C2orf68: variants seen among roughly 807,000 people sequenced by gnomAD.
C2orf68 encodes chromosome 2 open reading frame 68, also known as UPF0561 protein C2orf68.
In C2orf68, 15 loss-of-function variants were observed where a neutral mutation model predicts 19.1. The observed-to-expected ratio is 0.79, with a 90% CI of 0.53 to 1.21. C2orf68 has a LOEUF of 1.21. C2orf68 is among the 50% of genes most tolerant of loss of function. C2orf68 has a pLI of 0.00. For synonymous variants in C2orf68, 98 were observed against 91.0 expected (o/e 1.08, Z -0.44); for missense variants, 242 against 226.6 (o/e 1.07, Z -0.44).
Position 85,609,465 on chromosome 2 carries a change from A to G in C2orf68, c.348T>C (p.Ser116=), listed in dbSNP as rs1208499177. Residue 116 remains serine, a synonymous_variant, in exon 3 of 4, where the codon AGT becomes AGC. Transcript: ENST00000306336. ...QLFCLEYEAD[S]GEVTSVIVYQ... ...AGACGATAACTGATGTGACCTCTCC[A>G]CTGTCTGCCTCGTATTCTAAGCAGA... 3.7e-6 allele frequency: 6 copies of G among 1,614,126 alleles called. No individual in the cohort carries two copies. In the South Asian group the frequency reaches 6.6e-5, roughly 18 times the overall value.
At position 85,612,037 on chromosome 2, in the gene C2orf68, A is replaced by AC; in HGVS notation, c.-54dup. ...CGCCTCGACGGCCCCAACAACAGCC[A>AC]CCCGCCCACAGAGCTCCGCGCCGCC... On this transcript the variant is annotated 5_prime_UTR_variant, in exon 1 of 4. Transcript: ENST00000306336. 1 of 1,302,572 alleles carries AC rather than the reference A, an allele frequency of 7.7e-7. No individual in the cohort carries two copies. The highest frequency in any genetic ancestry group is 1.5e-5 in the South Asian group (1 of 67,210). 80.7% of individuals were successfully genotyped at this position (1,302,572 alleles called of 1,614,324 possible). A position where few individuals can be genotyped will look rare whatever the true frequency, so the allele number is the denominator to read the frequency against.
chr2:85,608,776 G>T lies in C2orf68; in HGVS notation c.*169C>A. The T allele has an allele frequency of 8.8e-6, 3 of 340,430 alleles. No individual in the cohort carries two copies. Among genetic ancestry groups the T allele is most frequent in the East Asian group, 6.6e-5 (1 of 15,130 alleles). The allele number at this position is 340,430 out of a possible 1,614,324, so 21.1% of individuals were successfully genotyped here. On this transcript the variant is annotated 3_prime_UTR_variant, in exon 4 of 4. Coordinates refer to ENST00000306336, the MANE Select transcript of C2orf68 (RefSeq NM_001013649.4). ...GGCAAATGGGTCAACATATAAGAAA[G>T]AATGACTGCAAGGCAGGCCAGGTGT...
At chr2:85,609,806 G>A (rs1208483771) in intron 2 of C2orf68, among the ~76,000 whole-genome samples, 4 of 150,594 alleles carry the variant, frequency 2.7e-5, no homozygotes, top group East Asian at 4.0e-4. Context: ...TCAGCCTCCC[G>A]AGTAGCTGGG....
rs1217198179 is a variant in C2orf68 at position 85,608,825 on chromosome 2, C to A, written c.*120G>T. On this transcript the variant is annotated 3_prime_UTR_variant, in exon 4 of 4. Transcript: ENST00000306336. Reference sequence around the variant, plus strand: ...GTAGTCCTGCAACACCCTATGGATGCAGCAGCTCTGGGGGTCTCAAGATCA... The same window carrying A: ...GTAGTCCTGCAACACCCTATGGATGAAGCAGCTCTGGGGGTCTCAAGATCA... 3 of 1,374,548 alleles carry A rather than the reference C, an allele frequency of 2.2e-6. No homozygotes were observed. The highest frequency in any genetic ancestry group is 3.0e-6 in the Non-Finnish European group (3 of 998,634). The allele number at this position is 1,374,548 out of a possible 1,614,324, so 85.1% of individuals were successfully genotyped here.
chr2:85,611,649 G>T lies in C2orf68; in HGVS notation c.226+19C>A. On this transcript the variant is annotated intron_variant, in intron 2 of 3. Transcript: ENST00000306336. ...GGAAGAGCGCGCGGGCTGGAGGCAG[G>T]CGGGGCGGGCGGCCTCACCTCGGTG... 6.4e-7 allele frequency: 1 copy of T among 1,556,022 alleles called. No homozygotes were observed. The highest frequency in any genetic ancestry group is 1.2e-5 in the South Asian group (1 of 84,978).
intron 2 of C2orf68, chr2:85,611,272 C>G: frequency 7.1e-7 from 1 of 1,402,680 alleles, no homozygotes; most frequent in Non-Finnish European, 9.2e-7. Flanking sequence ...ATATATTAAC[C>G]AGTGTGATCT....
Position 85,609,052 on chromosome 2 carries a change from T to G in C2orf68, c.394A>C (p.Lys132Gln). The G allele has an allele frequency of 1.2e-6, 2 of 1,614,236 alleles. No individual in the cohort carries two copies. The highest frequency in any genetic ancestry group is 1.7e-6 in the Non-Finnish European group (2 of 1,180,044). ...VIVYQGDDPGKVSEKVSAHTP... is the reference protein window; with the variant it reads ...VIVYQGDDPGQVSEKVSAHTP... Reference sequence around the variant, plus strand: ...TGTGCCGACACCTTCTCACTCACCTTTCCTGGGTCATCACCCTACGTGGAG... The same window carrying G: ...TGTGCCGACACCTTCTCACTCACCTGTCCTGGGTCATCACCCTACGTGGAG... The change falls in exon 4 of 4, where the codon AAG becomes CAG. Residue 132 changes from lysine (K) to glutamine (Q), a missense_variant. Transcript: ENST00000306336.
intron 2 of C2orf68, chr2:85,610,628 A>G (rs1044541481): frequency 6.6e-5 from 10 of 152,102 alleles, no homozygotes; most frequent in Admixed American, 2.0e-4. Context: ...AAGCACTTTC[A>G]CTAATGCCTA....
chr2:85,607,219 A>G lies in C2orf68; in HGVS notation c.*1726T>C, dbSNP rs1225483934. On this transcript the variant is annotated 3_prime_UTR_variant, in exon 4 of 4. Transcript: ENST00000306336. ...AAAGCCAGACTTGCAGTGAAATCCT[A>G]TGTTCCAAGTCATCAGATCAGTTTA... The G allele has an allele frequency of 6.6e-6, 1 of 152,188 alleles. No homozygotes were observed. The highest frequency in any genetic ancestry group is 1.9e-4 in the East Asian group (1 of 5,198). 9.4% of individuals were successfully genotyped at this position (152,188 alleles called of 1,614,324 possible).
intron 2 of C2orf68, 68 bp from the exon 3 acceptor site, chr2:85,609,654 C>T (rs1225522586): frequency 1.3e-6 from 2 of 1,574,082 alleles, no homozygotes; most frequent in Non-Finnish European, 8.7e-7. Flanking sequence ...CATAGAGATG[C>T]TGCAGGAAAA....
chr2:85,610,465 G>C (rs550015878), intron 2 of C2orf68: 2 of 152,234 alleles, frequency 1.3e-5, no homozygotes, highest in Non-Finnish European at 2.9e-5. Flanking sequence ...ATAGAGCTCT[G>C]CCTGGGTTCA....
In C2orf68 at chr2:85,606,288, A is replaced by C. The variant is rs1300678170; in HGVS notation, c.*2657T>G. 6.6e-6 allele frequency among the ~76,000 whole-genome samples: 1 copy of C among 152,262 alleles called. No homozygotes were observed. The highest frequency in any genetic ancestry group is 1.9e-4 in the East Asian group (1 of 5,204). ...TGCTGTTGCCACTGTACGCCACAGCACCGGACAGTGTTCTTTGGGACATCT... is the reference window on the plus strand; with the variant it reads ...TGCTGTTGCCACTGTACGCCACAGCCCCGGACAGTGTTCTTTGGGACATCT... On this transcript the variant is annotated 3_prime_UTR_variant, in exon 4 of 4. Coordinates refer to ENST00000306336, the MANE Select transcript of C2orf68 (RefSeq NM_001013649.4).
rs1392268185 is a variant in C2orf68, at chr2:85,612,063, C to T, written c.-79G>A. ...CCCGCCCACAGAGCTCCGCGCCGCC[C>T]CTTGCTCAGCTTCCGGCCCCGCATC... On this transcript the variant is annotated 5_prime_UTR_variant, in exon 1 of 4. Transcript: ENST00000306336. 1.7e-6 allele frequency: 2 copies of T among 1,143,806 alleles called. No individual in the cohort carries two copies. The highest frequency in any genetic ancestry group is 6.0e-5 in the Admixed American group (2 of 33,128). 70.9% of individuals were successfully genotyped at this position (1,143,806 alleles called of 1,614,324 possible).
At chr2:85,611,463 C>A in intron 2 of C2orf68, 1 of 1,545,422 alleles carries the variant, frequency 6.5e-7, no homozygotes. Flanking sequence ...ACTCTGACAG[C>A]GATGCTTAAC....
chr2:85,611,505 G>A (rs992132082), intron 2 of C2orf68, 163 bp downstream of exon 2: 1 of 1,550,792 alleles, frequency 6.4e-7, no homozygotes, highest in Non-Finnish European at 8.7e-7. Context: ...AGTTCTTGGT[G>A]AGAATCATTC....
Position 85,611,933 on chromosome 2 carries a change from GC to G in C2orf68, c.51del (p.Arg18GlyfsTer4). 5.0e-6 allele frequency: 8 copies of G among 1,585,618 alleles called. No individual in the cohort carries two copies. The highest frequency in any genetic ancestry group is 1.4e-5 in the African/African-American group (1 of 73,258). On this transcript the variant is annotated frameshift_variant, in exon 1 of 4. Transcript: ENST00000306336. LOFTEE classifies it high-confidence loss of function. ...PRPGHCCKPG[G>X]RLDMNHGFVH... is the part of the protein sequence containing the mutation. ...ACGAAGCCGTGGTTCATGTCCAGCC[GC>G]CCCCCAGGCTTGCAGCAGTGCCCCG...
rs187547382 is a variant in C2orf68 at position 85,611,625 on chromosome 2, G to A, written c.226+43C>T. On this transcript the variant is annotated intron_variant, in intron 2 of 3. Coordinates refer to ENST00000306336, the MANE Select transcript of C2orf68 (RefSeq NM_001013649.4). ...TATAGAGAAGGGGAGTGCGTTGCAGGAAGAGCGCGCGGGCTGGAGGCAGGC... is the reference window on the plus strand; with the variant it reads ...TATAGAGAAGGGGAGTGCGTTGCAGAAAGAGCGCGCGGGCTGGAGGCAGGC... The A allele has an allele frequency of 5.6e-4, 879 of 1,561,966 alleles. 6 individuals are homozygous for A. The African/African-American group carries it at 9.0e-3, about 16-fold the overall frequency.
At position 85,609,423 on chromosome 2, in the gene C2orf68, CACCAGGCGT is replaced by C. The variant is rs1424858779; in HGVS notation, c.378+3_378+11del. ...AGGACCTTCAGGCTGCAGCTGTTTC[CACCAGGCGT>C]ACCTGATAGACGATAACTGATGTGA... is the stretch of plus-strand genomic sequence containing the variant. On this transcript the variant is annotated splice_donor_5th_base_variant and intron_variant, in intron 3 of 3. Transcript: ENST00000306336. 6.2e-7 allele frequency: 1 copy of C among 1,612,822 alleles called. No individual in the cohort carries two copies. Among genetic ancestry groups the C allele is most frequent in the Non-Finnish European group, 8.5e-7 (1 of 1,179,078 alleles).
At position 85,606,568 on chromosome 2, in the gene C2orf68, T is replaced by A. The variant is rs537378845; in HGVS notation, c.*2377A>T. ...GCCAGCTCTGAAGGAAGCTTAATGC[T>A]TAATACAGTCACACTGCATAAATTA... On this transcript the variant is annotated 3_prime_UTR_variant, in exon 4 of 4. Transcript: ENST00000306336. 6.6e-6 allele frequency: 1 copy of A among 152,360 alleles called. No homozygotes were observed. Among genetic ancestry groups the A allele is most frequent in the South Asian group, 2.1e-4 (1 of 4,828 alleles). 9.4% of individuals were successfully genotyped at this position (152,360 alleles called of 1,614,324 possible).
Sources: allele counts gnomAD v4.1 joint callset (sites outside exome capture counted in the v4.1 genomes callset), GRCh38; gene constraint gnomAD v4.1.1; transcripts MANE v1.5; gene names NCBI Gene and HGNC (gene_info 2026-07-23, HGNC 2026-07-21).